Variants in MTAP observed in about 807,000 individuals in gnomAD.
The protein encoded by MTAP is S-methyl-5'-thioadenosine phosphorylase.
Under a neutral mutation model 33.6 loss-of-function variants are expected in MTAP, and 33 were observed. The observed-to-expected ratio is 0.98, with a 90% CI of 0.74 to 1.31. The LOEUF is 1.31. Among genes scored for constraint, MTAP ranks in the 40% most tolerant of loss-of-function variants. The pLI is 0.00. For missense variants in MTAP, 367 were observed against 360.0 expected, an observed-to-expected ratio of 1.02 and a Z score of -0.16; for synonymous variants, 148 against 125.7, an observed-to-expected ratio of 1.18 and a Z score of -1.19.
At position 21,865,664 on chromosome 9, in the gene MTAP, C is replaced by A; in HGVS notation, c.*3650C>A. The A allele has an allele frequency of 2.0e-6, 2 of 1,006,964 alleles. No homozygotes were observed. Among genetic ancestry groups the A allele is most frequent in the Admixed American group, 5.4e-5 (1 of 18,420 alleles). The allele number at this position is 1,006,964 out of a possible 1,614,324, so 62.4% of individuals were successfully genotyped here. The stretch of plus-strand genomic sequence containing the variant: ...AAGGAATGCCAAAGATCGAGGAAAT[C>A]TACCAAGACTAGTAGGGTAGTCCAG... On this transcript the variant is annotated 3_prime_UTR_variant, in exon 8 of 8. Transcript: ENST00000644715.
At chr9:21,818,554 G>A (rs776305648) in intron 4 of MTAP, among the ~76,000 whole-genome samples, 4 of 151,900 alleles carry the variant, frequency 2.6e-5, no homozygotes, top group Non-Finnish European at 5.9e-5. Context: ...TCTTGAATCA[G>A]GAGATCACCC....
chr9:21,888,634 C>T (rs74634710), intron 1 of MTAP, among the ~76,000 whole-genome samples: 11,051 of 134,884 alleles, frequency 0.082, 1,249 homozygotes, highest in African/African-American at 0.28. Flanking sequence ...ATAAAAATAG[C>T]TACTCCTGCT....
intron 5 of MTAP, among the ~76,000 whole-genome samples, chr9:21,843,331 C>T (rs1339246747): frequency 1.3e-5 from 2 of 152,118 alleles, no homozygotes; most frequent in African/African-American, 4.8e-5. Flanking sequence ...CTTAAGTACT[C>T]CACTGACGGC....
intron 5 of MTAP, among the ~76,000 whole-genome samples, chr9:21,846,870 G>A (rs60813761): frequency 1.5e-3 from 222 of 152,258 alleles, no homozygotes; most frequent in African/African-American, 5.0e-3. Flanking sequence ...AGAAAATATG[G>A]TATATATACA....
intron 1 of MTAP, among the ~76,000 whole-genome samples, chr9:21,884,405 A>G (rs1413857223): frequency 6.6e-6 from 1 of 152,358 alleles, no homozygotes; most frequent in East Asian, 1.9e-4. Context: ...TTGTGCAACA[A>G]TATGGCTGAA....
chr9:21,865,736 C>A lies in MTAP; in HGVS notation c.*3722C>A. ...TTGCCAGCTATGCCTTTGAGAACCT[C>A]GGGATCCCAAAGAATGAGGGGAATT... is the stretch of plus-strand genomic sequence containing the variant. On this transcript the variant is annotated 3_prime_UTR_variant, in exon 8 of 8. Transcript: ENST00000644715. 9.6e-7 allele frequency: 1 copy of A among 1,039,860 alleles called. No individual in the cohort carries two copies. Among genetic ancestry groups the A allele is most frequent in the East Asian group, 8.1e-5 (1 of 12,362 alleles). 64.4% of individuals were successfully genotyped at this position (1,039,860 alleles called of 1,614,324 possible). A position where few individuals can be genotyped will look rare whatever the true frequency, so the allele number is the denominator to read the frequency against.
At chr9:21,828,055 A>T (rs755598100) in intron 4 of MTAP, among the ~76,000 whole-genome samples, 4 of 152,236 alleles carry the variant, frequency 2.6e-5, no homozygotes, top group Non-Finnish European at 4.4e-5. Context: ...GATGTTTCAC[A>T]TACTGGCTCT....
intron 1 of MTAP, chr9:21,892,155 C>A (rs1818211514): frequency 6.6e-6 from 1 of 152,144 alleles, no homozygotes; most frequent in African/African-American, 2.4e-5. Context: ...TGTTACCAGC[C>A]ACCATAAAAA....
At chr9:21,880,456 CTA>C (rs1207397504) in intron 1 of MTAP, among the ~76,000 whole-genome samples, 2 of 152,058 alleles carry the variant, frequency 1.3e-5, no homozygotes, top group Non-Finnish European at 2.9e-5. Context: ...GGAAGTAAAA[CTA>C]TTTCTAATTC....
Position 21,862,004 on chromosome 9 carries a change from C to T in MTAP, c.842C>T (p.Pro281Leu). The T allele has an allele frequency of 6.2e-7, 1 of 1,609,340 alleles. No individual in the cohort carries two copies. The highest frequency in any genetic ancestry group is 1.7e-5 in the Admixed American group (1 of 59,918). ...ATGGCCCAGTTTTCTGTTTTATTAC[C>T]AAGACATTAAAGTAGCATGGCTGCC... ...KNMAQFSVLL[P>L]RH is the part of the protein sequence containing the mutation. The change falls in exon 8 of 8, where the codon CCA becomes CTA. Residue 281 changes from proline to leucine, a missense_variant. Physicochemically the swap from Pro to Leu is moderately conservative, Grantham distance 98 (BLOSUM62 -3). Transcript: ENST00000644715.
chr9:21,939,282 A>G (rs187838543), downstream of MTAP, among the ~76,000 whole-genome samples: 1 of 152,286 alleles, frequency 6.6e-6, no homozygotes, highest in East Asian at 1.9e-4. Context: ...CAGTGTGAAA[A>G]CGGACTAATG....
intron 1 of MTAP, among the ~76,000 whole-genome samples, chr9:21,805,954 C>T (rs1164840597): frequency 2.0e-5 from 3 of 152,120 alleles, no homozygotes; most frequent in African/African-American, 7.2e-5. Flanking sequence ...ACCAAGATGT[C>T]GCAGAAGTGA....
intron 1 of MTAP, among the ~76,000 whole-genome samples, chr9:21,907,027 G>T (rs1248717578): frequency 1.3e-5 from 2 of 152,206 alleles, no homozygotes; most frequent in Non-Finnish European, 2.9e-5. Context: ...AAGGGTATAT[G>T]ATTGTATGAA....
intron 5 of MTAP, among the ~76,000 whole-genome samples, chr9:21,852,633 G>C (rs1825543791): frequency 6.8e-6 from 1 of 147,350 alleles, no homozygotes. Context: ...AGGTGCATCA[G>C]AATCCCAGAA....
chr9:21,856,038 A>T, intron 6 of MTAP: 1 of 391,542 alleles, frequency 2.6e-6, no homozygotes, highest in Non-Finnish European at 3.5e-6. Context: ...GTTGTATTTT[A>T]ATGATTACCT....
chr9:21,809,114 C>T (rs1056946456), intron 1 of MTAP: 1 of 152,322 alleles, frequency 6.6e-6, no homozygotes, highest in Non-Finnish European at 1.5e-5. Flanking sequence ...CCCCTTTTCT[C>T]TCCCTCTGCT....
At chr9:21,899,869 A>T (rs1207759541) in intron 1 of MTAP, among the ~76,000 whole-genome samples, 1 of 152,174 alleles carries the variant, frequency 6.6e-6, no homozygotes, top group Non-Finnish European at 1.5e-5. Context: ...ACCCAGAAAT[A>T]AAGCTGCACA....
At chr9:21,882,239 G>A (rs1485404860) in intron 1 of MTAP, among the ~76,000 whole-genome samples, 2 of 151,808 alleles carry the variant, frequency 1.3e-5, no homozygotes, top group East Asian at 3.9e-4. Flanking sequence ...TGTAAAGGAA[G>A]GAAAACCTTT....
chr9:21,824,619 C>T (rs1368445925), intron 4 of MTAP, among the ~76,000 whole-genome samples: 1 of 152,220 alleles, frequency 6.6e-6, no homozygotes, highest in African/African-American at 2.4e-5. Context: ...CCACTACTCT[C>T]TTCAAAGCTG....
Sources: allele counts gnomAD v4.1 joint callset (sites outside exome capture counted in the v4.1 genomes callset), GRCh38; gene constraint gnomAD v4.1.1; transcripts MANE v1.5; gene names NCBI Gene and HGNC (gene_info 2026-07-23, HGNC 2026-07-21).